The following SEMA3D variants were observed in gnomAD, a reference collection of about 807,000 sequenced individuals.
The protein encoded by SEMA3D is semaphorin-3D.
A neutral mutation model predicts 100.1 loss-of-function variants in SEMA3D; 84 were observed. The ratio of observed to expected loss-of-function variants is 0.84; its 90% CI spans 0.70 to 1.01. The LOEUF is 1.01. Ranked by LOEUF, SEMA3D falls within the 50% of genes least tolerant of loss-of-function variation. The pLI is 0.00. For missense variants in SEMA3D, 875 were observed against 934.1 expected (o/e 0.94, Z 0.82); for synonymous variants, 312 against 320.7 (o/e 0.97, Z 0.29).
At chr7:85,015,505 T>A (rs1790072985) in intron 15 of SEMA3D, among the ~76,000 whole-genome samples, 1 of 151,788 alleles carries the variant, frequency 6.6e-6, no homozygotes, top group Non-Finnish European at 1.5e-5. Context: ...GATGTCAAAT[T>A]CTTTCTCAAT....
intron 1 of SEMA3D, among the ~76,000 whole-genome samples, chr7:85,179,559 C>T (rs1466709618): frequency 3.3e-5 from 5 of 152,168 alleles, no homozygotes; most frequent in Admixed American, 2.6e-4. Flanking sequence ...TTCCCCAATG[C>T]CTGTACCCCA....
chr7:85,159,913 G>A (rs1293935136), intron 1 of SEMA3D: 2 of 984,746 alleles, frequency 2.0e-6, no homozygotes, highest in Non-Finnish European at 2.4e-6. Flanking sequence ...AGGAAGTGAA[G>A]GAAGAGAGAA....
chr7:85,093,043 G>C (rs1379804882), intron 4 of SEMA3D, among the ~76,000 whole-genome samples: 6 of 152,040 alleles, frequency 3.9e-5, no homozygotes. Context: ...ATCTTTGTAA[G>C]TCTTTCCAAA....
chr7:85,239,497 A>T, the SEMA3D span, among the ~76,000 whole-genome samples: 1 of 152,202 alleles, frequency 6.6e-6, no homozygotes, highest in African/African-American at 2.4e-5. Flanking sequence ...TTTGTAAATT[A>T]TCCAATCTGT....
chr7:85,171,778 A>G (rs1231667289), intron 1 of SEMA3D, among the ~76,000 whole-genome samples: 1 of 152,108 alleles, frequency 6.6e-6, no homozygotes, highest in Non-Finnish European at 1.5e-5. Context: ...ATAAAATTAC[A>G]TAAGGAATGA....
At chr7:85,240,882 C>G in the SEMA3D span, among the ~76,000 whole-genome samples, 1 of 151,868 alleles carries the variant, frequency 6.6e-6, no homozygotes, top group African/African-American at 2.4e-5. Context: ...TCTTTCCAAC[C>G]CACAGAGTAG....
chr7:85,178,310 T>C (rs1791297472), intron 1 of SEMA3D, among the ~76,000 whole-genome samples: 1 of 151,710 alleles, frequency 6.6e-6, no homozygotes. Flanking sequence ...CAGGCAGAGG[T>C]TGGAATGGTG....
chr7:85,208,592 T>G, the SEMA3D span, among the ~76,000 whole-genome samples: 3 of 152,104 alleles, frequency 2.0e-5, no homozygotes, highest in East Asian at 5.8e-4. Flanking sequence ...AAATATAAAT[T>G]CAGCAGATCC....
At chr7:85,234,090 G>A in the SEMA3D span, among the ~76,000 whole-genome samples, 578 of 152,294 alleles carry the variant, frequency 3.8e-3, 5 homozygotes, top group Admixed American at 9.5e-3. Flanking sequence ...TGGTAAAGAG[G>A]AATGCAGTCT....
chr7:85,108,664 A>C (rs1260003511), intron 3 of SEMA3D, among the ~76,000 whole-genome samples: 1 of 152,042 alleles, frequency 6.6e-6, no homozygotes, highest in Non-Finnish European at 1.5e-5. Context: ...GCTTGCCTGC[A>C]TTAAAGAGCT....
chr7:85,160,253 T>A (rs1489171378), intron 1 of SEMA3D, among the ~76,000 whole-genome samples: 1 of 151,864 alleles, frequency 6.6e-6, no homozygotes, highest in Non-Finnish European at 1.5e-5. Flanking sequence ...AAGAGATGGA[T>A]GAACATGCAG....
intron 4 of SEMA3D, among the ~76,000 whole-genome samples, chr7:85,091,173 A>AGGAAGGAAGGAAGGAGG: frequency 8.2e-6 from 1 of 121,594 alleles, no homozygotes; most frequent in African/African-American, 4.5e-5. Flanking sequence ...AAGGAAGGAA[A>AGGAAGGAAGGAAGGAGG]GAAGGAAGGA....
At chr7:85,247,595 C>T in the SEMA3D span, among the ~76,000 whole-genome samples, 1 of 152,050 alleles carries the variant, frequency 6.6e-6, no homozygotes, top group Non-Finnish European at 1.5e-5. Context: ...ACTAAATCAA[C>T]ATTGAATAGG....
At chr7:85,136,113 C>T (rs1370596084) in intron 2 of SEMA3D, among the ~76,000 whole-genome samples, 1 of 152,030 alleles carries the variant, frequency 6.6e-6, no homozygotes, top group African/African-American at 2.4e-5. Context: ...GAGATTATTG[C>T]TATCTTGGGT....
intron 12 of SEMA3D, among the ~76,000 whole-genome samples, chr7:85,025,802 G>A (rs1400104533): frequency 6.6e-6 from 1 of 152,000 alleles, no homozygotes; most frequent in Non-Finnish European, 1.5e-5. Context: ...TAAAGGCAAG[G>A]AAAGACCCTG....
chr7:85,059,317 G>A (rs1189193314), intron 8 of SEMA3D, among the ~76,000 whole-genome samples: 2 of 152,246 alleles, frequency 1.3e-5, no homozygotes, highest in Admixed American at 6.5e-5. Context: ...ATATGGGGGC[G>A]TGGGGAATTA....
intron 2 of SEMA3D, among the ~76,000 whole-genome samples, chr7:85,136,502 A>G (rs945623392): frequency 6.6e-6 from 1 of 152,144 alleles, no homozygotes; most frequent in African/African-American, 2.4e-5. Context: ...ATGTAGCGCA[A>G]TATGGTAAAG....
At chr7:85,039,701 G>T (rs370481437) in intron 11 of SEMA3D, among the ~76,000 whole-genome samples, 1 of 152,106 alleles carries the variant, frequency 6.6e-6, no homozygotes, top group African/African-American at 2.4e-5. Context: ...CTAATAGTCC[G>T]CTCCTCTTTG....
the SEMA3D span, among the ~76,000 whole-genome samples, chr7:85,246,236 T>C: frequency 1.3e-5 from 2 of 152,094 alleles, no homozygotes; most frequent in African/African-American, 4.8e-5. Context: ...ATAGTATATC[T>C]TTAAGCACAG....
Sources: allele counts gnomAD v4.1 joint callset (sites outside exome capture counted in the v4.1 genomes callset), GRCh38; gene constraint gnomAD v4.1.1; transcripts MANE v1.5; gene names NCBI Gene and HGNC (gene_info 2026-07-23, HGNC 2026-07-21).